MAPK10: variants seen among roughly 807,000 people sequenced by gnomAD.
MAPK10 encodes the protein mitogen-activated protein kinase 10.
Under a neutral mutation model 59.3 loss-of-function variants are expected in MAPK10, and 25 were observed. The ratio of observed to expected loss-of-function variants is 0.42; its 90% CI spans 0.31 to 0.59. The LOEUF is 0.59. MAPK10 is among the 20% of genes least tolerant of loss of function. The probability of loss-of-function intolerance (pLI) is 0.15; values close to 1 mark genes in which losing one functional copy is unlikely to be tolerated. For synonymous variants in MAPK10, 190 were observed against 200.5 expected, an observed-to-expected ratio of 0.95 and a Z score of 0.44; for missense variants, 351 against 568.9, an observed-to-expected ratio of 0.62 and a Z score of 3.90.
intron 1 of MAPK10, among the ~76,000 whole-genome samples, chr4:86,546,179 C>G (rs995871411): frequency 6.6e-6 from 1 of 151,962 alleles, no homozygotes; most frequent in African/African-American, 2.4e-5. Flanking sequence ...GCCGAGATGG[C>G]GCCATTGCAC....
chr4:86,292,011 AT>A (rs1376248167), intron 2 of MAPK10, among the ~76,000 whole-genome samples: 1 of 152,128 alleles, frequency 6.6e-6, no homozygotes, highest in Non-Finnish European at 1.5e-5. Context: ...AGCCAGTTTT[AT>A]TTCACTAATT....
intron 1 of MAPK10, among the ~76,000 whole-genome samples, chr4:86,431,444 A>T (rs1748033154): frequency 6.6e-6 from 1 of 152,252 alleles, no homozygotes; most frequent in Admixed American, 6.5e-5. Context: ...GTGTCATCTG[A>T]CAAAACAGAA....
intron 1 of MAPK10, among the ~76,000 whole-genome samples, chr4:86,424,131 A>T (rs1043045915): frequency 3.9e-5 from 6 of 152,130 alleles, no homozygotes; most frequent in Non-Finnish European, 7.4e-5. Flanking sequence ...AATTCCACCA[A>T]CTTTGCTTCC....
intron 13 of MAPK10, chr4:86,023,892 G>A (rs1397358468): frequency 7.1e-6 from 1 of 140,276 alleles, no homozygotes; most frequent in Non-Finnish European, 1.6e-5. Context: ...GTGGAACCAG[G>A]CGATTATGAT....
intron 1 of MAPK10, among the ~76,000 whole-genome samples, chr4:86,568,437 C>T (rs531105827): frequency 4.0e-5 from 6 of 151,344 alleles, no homozygotes; most frequent in Admixed American, 2.0e-4. Flanking sequence ...AAAAATAATC[C>T]TAAAATTCAT....
At chr4:86,294,159 CA>C (rs1177100075) in intron 2 of MAPK10, among the ~76,000 whole-genome samples, 2 of 152,172 alleles carry the variant, frequency 1.3e-5, no homozygotes, top group Non-Finnish European at 2.9e-5. Context: ...AGTTCCTTGG[CA>C]GGACTGGGCC....
intron 4 of MAPK10, among the ~76,000 whole-genome samples, chr4:86,137,704 T>A: frequency 8.2e-6 from 1 of 122,334 alleles, no homozygotes; most frequent in Non-Finnish European, 1.6e-5. Flanking sequence ...CTGAAGGAAA[T>A]AGAGACACAA....
intron 3 of MAPK10, among the ~76,000 whole-genome samples, chr4:86,189,368 A>C (rs2079096877): frequency 6.6e-6 from 1 of 152,182 alleles, no homozygotes; most frequent in Non-Finnish European, 1.5e-5. Flanking sequence ...GATTCTTCCT[A>C]TCCATGAGCA....
In MAPK10 at chr4:86,566,143, T is replaced by C. The variant is rs115381303; in HGVS notation, c.-263+27767A>G. ...TTGGCAAGTATTTTCTGTATTATCATTTGGTATTGACTTTGTTCCTCCATC... is the reference window on the plus strand; with the variant it reads ...TTGGCAAGTATTTTCTGTATTATCACTTGGTATTGACTTTGTTCCTCCATC... On this transcript the variant is annotated intron_variant, in intron 1 of 4. Coordinates refer to the MAPK10 transcript ENST00000502302. Among the ~76,000 whole-genome samples the C allele has an allele frequency of 3.0e-3, 450 of 152,324 alleles. 6 individuals are homozygous for C. Among genetic ancestry groups the C allele is most frequent in the African/African-American group, 0.011 (437 of 41,566 alleles).
intron 2 of MAPK10, among the ~76,000 whole-genome samples, chr4:86,317,706 A>T (rs1200563801): frequency 6.6e-6 from 1 of 152,216 alleles, no homozygotes; most frequent in Non-Finnish European, 1.5e-5. Context: ...TACCTCTTCC[A>T]GGCTACATAA....
At chr4:86,327,421 T>A (rs112440794) in intron 2 of MAPK10, 1 of 152,088 alleles carries the variant, frequency 6.6e-6, no homozygotes, top group East Asian at 1.9e-4. Context: ...TCTCATTTTT[T>A]AAAAAATATG....
At chr4:86,206,353 T>C (rs1397284796) in intron 2 of MAPK10, among the ~76,000 whole-genome samples, 2 of 151,966 alleles carry the variant, frequency 1.3e-5, no homozygotes, top group African/African-American at 2.4e-5. Flanking sequence ...ATTTCATCCA[T>C]GTCCCTACAA....
At chr4:86,191,279 CA>C (rs1390165810) in intron 3 of MAPK10, among the ~76,000 whole-genome samples, 1 of 151,978 alleles carries the variant, frequency 6.6e-6, no homozygotes, top group Non-Finnish European at 1.5e-5. Flanking sequence ...TCCAGAGCTG[CA>C]TTCAAGTCCT....
Position 86,448,080 on chromosome 4 carries a change from A to G in MAPK10, c.-122+4950T>C, listed in dbSNP as rs145094170. ...TTTTTGTGGGAGTTAGATTATGTTA[A>G]TATGTAAAGAGCCTAGTAAATACTT... On this transcript the variant is annotated intron_variant, in intron 1 of 13. Coordinates refer to the MAPK10 transcript ENST00000361569. Among the ~76,000 whole-genome samples the G allele has an allele frequency of 6.0e-3, 921 of 152,306 alleles. 6 individuals carry two copies. Among genetic ancestry groups the G allele is most frequent in the African/African-American group, 0.02 (823 of 41,562 alleles).
chr4:86,509,932 T>G (rs549057431), intron 1 of MAPK10, among the ~76,000 whole-genome samples: 6 of 152,240 alleles, frequency 3.9e-5, no homozygotes, highest in Non-Finnish European at 8.8e-5. Context: ...TTTATGTGTG[T>G]TGACATGTGT....
chr4:86,111,766 C>G (rs1007427975), intron 4 of MAPK10, among the ~76,000 whole-genome samples: 4 of 152,164 alleles, frequency 2.6e-5, no homozygotes, highest in Non-Finnish European at 5.9e-5. Flanking sequence ...AAGAGTCCCT[C>G]CTTTTCAATT....
intron 2 of MAPK10, among the ~76,000 whole-genome samples, chr4:86,196,136 A>C (rs12506828): frequency 0.085 from 12,936 of 152,220 alleles, 1,219 homozygotes; most frequent in African/African-American, 0.23. Flanking sequence ...TCCTTGAGGA[A>C]TTGCCACACT....
chr4:86,485,302 G>A (rs1344614933), intron 1 of MAPK10, among the ~76,000 whole-genome samples: 2 of 152,112 alleles, frequency 1.3e-5, no homozygotes, highest in African/African-American at 4.8e-5. Flanking sequence ...GAGCACAATT[G>A]TAGTGTAATT....
chr4:86,212,309 G>A (rs915825813), intron 2 of MAPK10, among the ~76,000 whole-genome samples: 3 of 152,066 alleles, frequency 2.0e-5, no homozygotes, highest in African/African-American at 7.2e-5. Flanking sequence ...CTTCAGGTCA[G>A]GAGTTCAAGA....
Sources: gnomAD v4.1 joint callset for allele counts (sites outside exome capture counted in the v4.1 genomes callset) on GRCh38, gnomAD v4.1.1 for gene constraint, MANE v1.5 for transcripts, NCBI Gene and HGNC (gene_info 2026-07-23, HGNC 2026-07-21) for gene names.